Variants in MCHR2 observed in about 807,000 individuals in gnomAD.
MCHR2 encodes the protein melanin-concentrating hormone receptor 2.
In MCHR2, 15 loss-of-function variants were observed where a neutral mutation model predicts 24.8. That is an observed-to-expected ratio of 0.60 (90% CI 0.40 to 0.93). The LOEUF (loss-of-function observed/expected upper bound fraction) is 0.93, where lower values mean the gene tolerates loss of function less well. Ranked by LOEUF, MCHR2 falls within the 40% of genes least tolerant of loss-of-function variation. The pLI is 0.00. For missense variants in MCHR2, 386 were observed against 408.7 expected (o/e 0.94, Z 0.48); for synonymous variants, 151 against 147.6 (o/e 1.02, Z -0.17).
intron 1 of MCHR2, among the ~76,000 whole-genome samples, chr6:99,963,773 A>G (rs1775242550): frequency 1.3e-5 from 2 of 152,130 alleles, no homozygotes; most frequent in Non-Finnish European, 2.9e-5. Flanking sequence ...TCAATGTCCT[A>G]TTGGTAAACT....
intron 4 of MCHR2, among the ~76,000 whole-genome samples, chr6:99,937,922 T>A (rs1250876119): frequency 6.6e-6 from 1 of 151,988 alleles, no homozygotes; most frequent in African/African-American, 2.4e-5. Flanking sequence ...TTCCTCATGG[T>A]TCAATCTTGG....
intron 5 of MCHR2, among the ~76,000 whole-genome samples, chr6:99,931,146 C>T (rs1774519957): frequency 6.6e-6 from 1 of 152,132 alleles, no homozygotes; most frequent in Non-Finnish European, 1.5e-5. Flanking sequence ...GGCTGCAGAA[C>T]ACCGGATTTT....
At chr6:99,933,444 T>G (rs1437977242) in intron 5 of MCHR2, among the ~76,000 whole-genome samples, 1 of 152,164 alleles carries the variant, frequency 6.6e-6, no homozygotes. Flanking sequence ...ATTTATAAAC[T>G]AATTTTTTTT....
chr6:99,964,622 C>T (rs1054017060), intron 1 of MCHR2, among the ~76,000 whole-genome samples: 1 of 152,066 alleles, frequency 6.6e-6, no homozygotes, highest in Non-Finnish European at 1.5e-5. Context: ...ATGGGGGAAA[C>T]TGCCCCCATG....
At chr6:99,989,561 T>C (rs190218719) in intron 1 of MCHR2, among the ~76,000 whole-genome samples, 7 of 152,342 alleles carry the variant, frequency 4.6e-5, no homozygotes, top group South Asian at 2.1e-4. Flanking sequence ...AACTATGTGC[T>C]GACCTTTGAC....
At chr6:99,973,519 T>A (rs1775480022) in intron 1 of MCHR2, among the ~76,000 whole-genome samples, 1 of 152,240 alleles carries the variant, frequency 6.6e-6, no homozygotes, top group Admixed American at 6.5e-5. Context: ...CTTTATCCAA[T>A]TTGCCAGTCT....
intron 5 of MCHR2, among the ~76,000 whole-genome samples, chr6:99,924,504 T>C (rs1424820862): frequency 6.6e-6 from 1 of 152,064 alleles, no homozygotes. Flanking sequence ...AGACTGTTTA[T>C]TTGACATTTT....
chr6:99,966,228 T>C (rs1323615713), intron 1 of MCHR2, among the ~76,000 whole-genome samples: 2 of 152,212 alleles, frequency 1.3e-5, no homozygotes, highest in Non-Finnish European at 2.9e-5. Context: ...TATCCTTAAA[T>C]ACCTGAAAAA....
At chr6:99,990,156 A>T (rs1331073152) in intron 1 of MCHR2, among the ~76,000 whole-genome samples, 1 of 152,244 alleles carries the variant, frequency 6.6e-6, no homozygotes, top group Non-Finnish European at 1.5e-5. Flanking sequence ...AGGTATATTT[A>T]GAACAAGGTG....
chr6:99,958,070 A>G (rs901194960), intron 1 of MCHR2, among the ~76,000 whole-genome samples: 2 of 152,132 alleles, frequency 1.3e-5, no homozygotes, highest in African/African-American at 4.8e-5. Flanking sequence ...GACTTAATTT[A>G]TTTGATACTA....
chr6:99,953,020 G>A (rs941574643), intron 2 of MCHR2, among the ~76,000 whole-genome samples: 6 of 152,068 alleles, frequency 3.9e-5, no homozygotes, highest in African/African-American at 1.4e-4. Flanking sequence ...GTTAAATGAC[G>A]GTTGACTTTA....
intron 5 of MCHR2, among the ~76,000 whole-genome samples, chr6:99,929,364 C>G (rs1362093530): frequency 6.6e-6 from 1 of 152,030 alleles, no homozygotes; most frequent in Non-Finnish European, 1.5e-5. Flanking sequence ...CTGCTTGGTG[C>G]AGAGCTGAGT....
intron 1 of MCHR2, among the ~76,000 whole-genome samples, chr6:99,966,603 C>A (rs913766048): frequency 3.3e-5 from 5 of 151,978 alleles, no homozygotes; most frequent in Admixed American, 6.6e-5. Flanking sequence ...GGTACTTCAC[C>A]GGTTCAGCAA....
chr6:99,926,525 T>G (rs1194324924), intron 5 of MCHR2, among the ~76,000 whole-genome samples: 1 of 152,202 alleles, frequency 6.6e-6, no homozygotes, highest in Non-Finnish European at 1.5e-5. Context: ...ATGATGGCCA[T>G]TCTAACTGGT....
rs749350506 is a variant in MCHR2 at position 99,943,148 on chromosome 6, A to G, written c.393-5T>C. Reference sequence around the variant, plus strand: ...GGTTGGACGAGGGCAAAGTACCTGCAAAGGCAGTCAGGAAGAGTTTTGGAA... The same window carrying G: ...GGTTGGACGAGGGCAAAGTACCTGCGAAGGCAGTCAGGAAGAGTTTTGGAA... On this transcript the variant is annotated splice_polypyrimidine_tract_variant and splice_region_variant and intron_variant, in intron 3 of 5. Coordinates refer to ENST00000281806, the MANE Select transcript of MCHR2 (RefSeq NM_001040179.2). The G allele has an allele frequency of 6.2e-6, 10 of 1,604,324 alleles. No homozygotes were observed. Among genetic ancestry groups the G allele is most frequent in the Non-Finnish European group, 8.5e-6 (10 of 1,174,134 alleles).
intron 1 of MCHR2, among the ~76,000 whole-genome samples, chr6:99,958,678 G>A (rs1775117363): frequency 6.6e-6 from 1 of 152,116 alleles, no homozygotes; most frequent in African/African-American, 2.4e-5. Flanking sequence ...AACCAGTTAA[G>A]AAACTTGCAT....
chr6:99,984,910 T>A (rs1775743569), intron 1 of MCHR2, among the ~76,000 whole-genome samples: 1 of 152,060 alleles, frequency 6.6e-6, no homozygotes, highest in South Asian at 2.1e-4. Flanking sequence ...GATGATATGA[T>A]CGTATGCCTA....
intron 1 of MCHR2, among the ~76,000 whole-genome samples, chr6:99,986,800 A>G (rs1430536480): frequency 6.6e-6 from 1 of 151,416 alleles, no homozygotes; most frequent in Non-Finnish European, 1.5e-5. Context: ...ACACATGGAT[A>G]TATTATATAC....
At chr6:99,957,655 G>GT (rs1335465944) in intron 1 of MCHR2, among the ~76,000 whole-genome samples, 4 of 152,068 alleles carry the variant, frequency 2.6e-5, no homozygotes, top group Middle Eastern at 3.2e-3. Flanking sequence ...AGAGAATTTA[G>GT]TAAGTTTGCT....
Sources: gnomAD v4.1 joint callset for allele counts (sites outside exome capture counted in the v4.1 genomes callset) on GRCh38, gnomAD v4.1.1 for gene constraint, MANE v1.5 for transcripts, NCBI Gene and HGNC (gene_info 2026-07-23, HGNC 2026-07-21) for gene names.